SLC49A3: variants seen among roughly 807,000 people sequenced by gnomAD.
SLC49A3 encodes the protein solute carrier family 49 member A3.
In SLC49A3, 50 loss-of-function variants were observed where a neutral mutation model predicts 43.8. The ratio of observed to expected loss-of-function variants is 1.14; its 90% confidence interval spans 0.91 to 1.45. The LOEUF (loss-of-function observed/expected upper bound fraction) is 1.45, where lower values mean the gene tolerates loss of function less well. Among genes scored for constraint, SLC49A3 ranks in the 40% most tolerant of loss-of-function variants. The probability of loss-of-function intolerance (pLI) is 0.00; values close to 1 mark genes in which losing one functional copy is unlikely to be tolerated. For synonymous variants in SLC49A3, 413 were observed against 352.0 expected (o/e 1.17, Z -1.94); for missense variants, 906 against 774.1 (o/e 1.17, Z -2.02).
At position 684,786 on chromosome 4, in the gene SLC49A3, G is replaced by A; in HGVS notation, c.656C>T (p.Pro219Leu). Residue 219 changes from proline to leucine, a missense_variant, in exon 5 of 10, where the codon CCC becomes CTC. Physicochemically the swap from Pro to Leu is moderately conservative, Grantham distance 98. Coordinates refer to ENST00000322224, the MANE Select transcript of SLC49A3 (RefSeq NM_032219.4). ...AGCCCCGGCAGAGGGCGGGGTGGGG[G>A]GCACACTCTCCCACAGGCAGATGGT... ...LSTICLWESV[P>L]PTPPSAGAAS... is the part of the protein sequence containing the mutation. The A allele has an allele frequency of 6.2e-7, 1 of 1,612,536 alleles. No homozygotes were observed. The highest frequency in any genetic ancestry group is 8.5e-7 in the Non-Finnish European group (1 of 1,179,900).
chr4:677,714 C>T (rs1031969279), downstream of SLC49A3, among the ~76,000 whole-genome samples: 3 of 152,162 alleles, frequency 2.0e-5, no homozygotes, highest in Non-Finnish European at 4.4e-5. Context: ...TACAGGTGGC[C>T]CTGCTGACAC....
At chr4:681,357 A>T (rs543358315), downstream of SLC49A3, among the ~76,000 whole-genome samples, 1 of 152,006 alleles carries the variant, frequency 6.6e-6, no homozygotes, top group South Asian at 2.1e-4. Context: ...CCGTTAGATC[A>T]GCGGCTGGAG....
At position 683,629 on chromosome 4, in the gene SLC49A3, C is replaced by T; in HGVS notation, c.973G>A (p.Ala325Thr). The change falls in exon 7 of 10, where the codon GCC becomes ACC. Residue 325 changes from alanine to threonine, a missense_variant. Physicochemically the swap from Ala to Thr is moderately conservative, Grantham distance 58 (BLOSUM62 0). Coordinates refer to ENST00000322224, the MANE Select transcript of SLC49A3 (RefSeq NM_032219.4). ...TKIGLCLFSL[A>T]CVPFALVSQL... is the part of the protein sequence containing the mutation. Reference sequence around the variant, plus strand: ...CTCACCAGGGCAAAGGGCACGCAGGCCAGAGAGAACAGGCACAGGCCAATC... The same window carrying T: ...CTCACCAGGGCAAAGGGCACGCAGGTCAGAGAGAACAGGCACAGGCCAATC... 6.2e-7 allele frequency: 1 copy of T among 1,612,084 alleles called. No individual in the cohort carries two copies. The highest frequency in any genetic ancestry group is 8.5e-7 in the Non-Finnish European group (1 of 1,179,498).
At chr4:679,775 C>T (rs943108896), downstream of SLC49A3, 51 of 678,166 alleles carry the variant, frequency 7.5e-5, no homozygotes, top group South Asian at 1.6e-4. Flanking sequence ...CACTGCCCCA[C>T]GTGCCTGGGC....
downstream of SLC49A3, chr4:680,622 CG>C (rs760681956): frequency 4.4e-6 from 7 of 1,600,660 alleles, no homozygotes; most frequent in Non-Finnish European, 6.0e-6. Context: ...GCCCGGCTTC[CG>C]GGGAACCCCA....
chr4:677,930 A>G (rs1739008678), downstream of SLC49A3: 1 of 1,604,470 alleles, frequency 6.2e-7, no homozygotes, highest in Admixed American at 1.7e-5. Context: ...AGGGAGTGGC[A>G]GCCGGAGTCT....
chr4:687,373 GCAGCCAGACCCAGGCTC>G (rs1560177920), intron 1 of SLC49A3: 1 of 152,402 alleles, frequency 6.6e-6, no homozygotes, highest in African/African-American at 2.4e-5. Context: ...CTCGGACACA[GCAGCCAGACCCAGGCTC>G]CGCCCGGACA....
downstream of SLC49A3, chr4:678,871 A>C: frequency 1.2e-6 from 2 of 1,608,984 alleles, no homozygotes; most frequent in Non-Finnish European, 1.7e-6. Flanking sequence ...GCCTATCCTC[A>C]GTCAGGGGTG....
In SLC49A3 at chr4:686,319, G is replaced by C; in HGVS notation, c.295-17C>G. 1 of 1,611,910 alleles carries C rather than the reference G, an allele frequency of 6.2e-7. No homozygotes were observed. On this transcript the variant is annotated splice_polypyrimidine_tract_variant and intron_variant, in intron 2 of 9. Coordinates refer to ENST00000322224, the MANE Select transcript of SLC49A3 (RefSeq NM_032219.4). ...CAGGATGGTCTGCGAGGAGGGGGTC[G>C]GGGACCGGGTCAGGAACGCTGCCAC...
At chr4:682,732 A>G (rs1012356913) in intron 9 of SLC49A3, 49 bp downstream of exon 9, 1 of 1,408,462 alleles carries the variant, frequency 7.1e-7, no homozygotes, top group African/African-American at 1.4e-5. Flanking sequence ...GAATCTTCAC[A>G]TGGGGCTCAC....
At chr4:680,423 C>A, downstream of SLC49A3, 2 of 1,357,982 alleles carry the variant, frequency 1.5e-6, no homozygotes, top group Admixed American at 1.8e-5. Context: ...CTGCTTGGGG[C>A]AGGGGTCTCC....
chr4:677,968 C>T (rs1739014085), downstream of SLC49A3: 1 of 1,613,000 alleles, frequency 6.2e-7, no homozygotes, highest in Admixed American at 1.7e-5. Flanking sequence ...CAAGCAGGAG[C>T]TTAAGATGGG....
Position 682,314 on chromosome 4 carries a change from G to A in SLC49A3, c.1324C>T (p.His442Tyr). ...FFSCILAVFF[H>Y]TPYRRLQAES... Reference sequence around the variant, plus strand: ...GCCTGCAGGCGCCGGTATGGGGTGTGGAAGAAGACCGCCAGGATGCAGCTG... The same window carrying A: ...GCCTGCAGGCGCCGGTATGGGGTGTAGAAGAAGACCGCCAGGATGCAGCTG... Residue 442 changes from histidine (H) to tyrosine (Y), a missense_variant, in exon 10 of 10, where the codon CAC (histidine) becomes TAC (tyrosine). Transcript: ENST00000322224. 1 of 1,349,288 alleles carries A rather than the reference G, an allele frequency of 7.4e-7. No homozygotes were observed. The highest frequency in any genetic ancestry group is 9.6e-7 in the Non-Finnish European group (1 of 1,040,722). 83.6% of individuals were successfully genotyped at this position (1,349,288 alleles called of 1,614,324 possible).
chr4:687,054 A>G (rs7690350), intron 1 of SLC49A3, among the ~76,000 whole-genome samples: 37,913 of 152,172 alleles, frequency 0.25, 5,475 homozygotes, highest in African/African-American at 0.4. Context: ...ACTGCAGGCC[A>G]GCCCCACCCA....
At chr4:680,192 G>A (rs753771256), downstream of SLC49A3, among the ~76,000 whole-genome samples, 43 of 152,246 alleles carry the variant, frequency 2.8e-4, no homozygotes, top group Non-Finnish European at 5.0e-4. Flanking sequence ...ATGTGCTCAG[G>A]CCCGCCCTCC....
rs750498184 is a variant in SLC49A3, at chr4:684,873, G to T, written c.586-17C>A. ...GACACCGAGCTGGGGAGGGGTGTGT[G>T]TGCACAAGGAGACCACGCAGACTGG... On this transcript the variant is annotated splice_polypyrimidine_tract_variant and intron_variant, in intron 4 of 9. Transcript: ENST00000322224. 6.2e-7 allele frequency: 1 copy of T among 1,608,232 alleles called. No homozygotes were observed. Among genetic ancestry groups the T allele is most frequent in the Admixed American group, 1.7e-5 (1 of 58,810 alleles).
downstream of SLC49A3, chr4:679,221 T>G: frequency 2.8e-6 from 2 of 701,956 alleles, no homozygotes; most frequent in Non-Finnish European, 2.6e-6. Context: ...GCAGAGAGCA[T>G]CCCAGGGTGA....
rs983099453 is a variant in SLC49A3 at position 682,135 on chromosome 4, G to A, written c.1503C>T (p.Pro501=). 10 of 1,347,068 alleles carry A rather than the reference G, an allele frequency of 7.4e-6. No homozygotes were observed. In the Admixed American group the frequency reaches 1.7e-4, roughly 23 times the overall value. 83.4% of individuals were successfully genotyped at this position (1,347,068 alleles called of 1,614,324 possible). The change falls in exon 10 of 10, where the codon CCC becomes CCT. Residue 501 remains proline, a synonymous_variant. Transcript: ENST00000322224. ...CTGGGTGGGGGCTCCCGGGCCCTCT[G>A]GGGTCCTCTAGCGAGGCCCCCCTCG... is the stretch of plus-strand genomic sequence containing the variant. ...CTARGASLED[P]RGPGSPHPAC... is the part of the protein sequence containing the mutation.
At chr4:678,646 C>T (rs771817027), downstream of SLC49A3, 17 of 1,597,380 alleles carry the variant, frequency 1.1e-5, no homozygotes, top group Non-Finnish European at 1.4e-5. Flanking sequence ...AGCCATGGTG[C>T]TCCCACCGCA....
Sources: allele counts gnomAD v4.1 joint callset (sites outside exome capture counted in the v4.1 genomes callset), GRCh38; gene constraint gnomAD v4.1.1; transcripts MANE v1.5; gene names NCBI Gene and HGNC (gene_info 2026-07-23, HGNC 2026-07-21).